Variants in MDN1 observed in about 807,000 individuals in gnomAD.
MDN1 encodes the protein midasin AAA ATPase 1.
A neutral mutation model predicts 669.2 loss-of-function variants in MDN1; 266 were observed. That is an observed-to-expected ratio of 0.40 (90% CI 0.36 to 0.44). The LOEUF (loss-of-function observed/expected upper bound fraction) is 0.44, where lower values mean the gene tolerates loss of function less well. MDN1 is among the 20% of genes least tolerant of loss of function. MDN1 has a pLI of 1.00. For synonymous variants in MDN1, 2,385 were observed against 2,457.1 expected (o/e 0.97, Z 0.87); for missense variants, 5,940 against 6,754.0 (o/e 0.88, Z 4.22).
intron 31 of MDN1, among the ~76,000 whole-genome samples, chr6:89,741,929 C>T (rs1018207370): frequency 9.9e-5 from 15 of 151,946 alleles, no homozygotes; most frequent in Admixed American, 1.3e-4. Context: ...GGTGAAACCC[C>T]ATCTTTACTA....
intron 11 of MDN1, among the ~76,000 whole-genome samples, chr6:89,778,934 A>AT (rs111344373): frequency 0.5 from 63,567 of 126,994 alleles, 16,052 homozygotes; most frequent in African/African-American, 0.54. Flanking sequence ...AAATAAATAA[A>AT]AAAAAAGGTA....
chr6:89,719,272 A>C, intron 40 of MDN1, 47 bp from the exon 41 acceptor site: 1 of 1,486,360 alleles, frequency 6.7e-7, no homozygotes, highest in Non-Finnish European at 9.4e-7. Flanking sequence ...ACTCCACCTA[A>C]TTCTTAGGCA....
At chr6:89,750,620 T>C in intron 23 of MDN1, 88 bp from the exon 24 acceptor site, 21 of 1,311,122 alleles carry the variant, frequency 1.6e-5, no homozygotes, top group Non-Finnish European at 2.0e-5. Flanking sequence ...TTGTTTTGTT[T>C]GACAAAGGGT....
At position 89,751,536 on chromosome 6, in the gene MDN1, T is replaced by C. The variant is rs1395205643; in HGVS notation, c.3122A>G (p.Tyr1041Cys). Residue 1041 changes from tyrosine to cysteine, a missense_variant, in exon 23 of 102, where the codon TAC (tyrosine) becomes TGC (cysteine). By Grantham distance (194) the Tyr-to-Cys change is radical (BLOSUM62 -2). Around this residue, in one of 5 missense-constraint regions of MDN1, gnomAD observed 1,203 missense variants for 1,268.9 expected, o/e 0.95. Coordinates refer to ENST00000369393, the MANE Select transcript of MDN1 (RefSeq NM_014611.3). ...CTCCTTGTCTCCCACCGCAATCCAG[T>C]AGCCTTCAACCTGGATAAGCCGACC... is the stretch of plus-strand genomic sequence containing the variant. The part of the protein sequence containing the change: ...KGGRLIQVEG[Y>C]WIAVGDKEPT... The C allele has an allele frequency of 3.7e-6, 6 of 1,614,108 alleles. No individual in the cohort carries two copies. The highest frequency in any genetic ancestry group is 1.7e-5 in the Admixed American group (1 of 60,012).
chr6:89,812,327 A>G (rs1000033215), intron 1 of MDN1, among the ~76,000 whole-genome samples: 19 of 152,002 alleles, frequency 1.2e-4, no homozygotes, highest in Non-Finnish European at 2.1e-4. Context: ...ACTCACACCT[A>G]TAATCCCAGC....
At chr6:89,713,061 TG>T in intron 47 of MDN1, 86 bp downstream of exon 47, 1 of 1,443,358 alleles carries the variant, frequency 6.9e-7, no homozygotes, top group Admixed American at 2.2e-5. Context: ...CTTAGGTCAC[TG>T]GGTTGCCACC....
At chr6:89,788,704 T>A (rs915794037) in intron 7 of MDN1, among the ~76,000 whole-genome samples, 25 of 152,258 alleles carry the variant, frequency 1.6e-4, no homozygotes, top group Admixed American at 1.6e-3. Flanking sequence ...ATCAACTGTG[T>A]AGCAATTTGG....
Position 89,690,212 on chromosome 6 carries a change from G to A in MDN1, c.10750-69C>T, listed in dbSNP as rs1378086399. 33 of 1,489,916 alleles carry A rather than the reference G, an allele frequency of 2.2e-5. No individual in the cohort carries two copies. In the Admixed American group the frequency reaches 2.9e-4, roughly 13 times the overall value. The allele number at this position is 1,489,916 out of a possible 1,614,324, so 92.3% of individuals were successfully genotyped here. A position where few individuals can be genotyped will look rare whatever the true frequency, so the allele number is the denominator to read the frequency against. On this transcript the variant is annotated intron_variant, in intron 64 of 101. Coordinates refer to ENST00000369393, the MANE Select transcript of MDN1 (RefSeq NM_014611.3). Reference sequence around the variant, plus strand: ...CTACTTCTAATCAGACTAAAAGGAAGAAAGAAAAAAGCATAAGAATGACTG... The same window carrying A: ...CTACTTCTAATCAGACTAAAAGGAAAAAAGAAAAAAGCATAAGAATGACTG...
intron 60 of MDN1, 71 bp downstream of exon 60, chr6:89,696,289 A>T: frequency 6.7e-7 from 1 of 1,489,114 alleles, no homozygotes; most frequent in Non-Finnish European, 9.3e-7. Context: ...GGAAGTTCTC[A>T]CTGGGTCTCT....
chr6:89,761,253 C>T (rs1208608087), intron 17 of MDN1, among the ~76,000 whole-genome samples: 2 of 152,014 alleles, frequency 1.3e-5, no homozygotes, highest in Non-Finnish European at 2.9e-5. Flanking sequence ...CATAGCATGG[C>T]GACCATGCCA....
In MDN1 at chr6:89,689,784, T is replaced by C. The variant is rs147034035; in HGVS notation, c.11023+86A>G. 1.4e-4 allele frequency: 199 copies of C among 1,431,776 alleles called. 2 individuals carry two copies. The African/African-American group carries it at 2.5e-3, about 18-fold the overall frequency. 88.7% of individuals were successfully genotyped at this position (1,431,776 alleles called of 1,614,324 possible). ...GAATTATGCGAAAACAGGAAATTCA[T>C]GAGTGTGATTGTTACAGAGTAGCAA... is the stretch of plus-strand genomic sequence containing the variant. On this transcript the variant is annotated intron_variant, in intron 65 of 101. Coordinates refer to ENST00000369393, the MANE Select transcript of MDN1 (RefSeq NM_014611.3).
At chr6:89,679,315 A>G (rs1235769913) in intron 74 of MDN1, among the ~76,000 whole-genome samples, 1 of 152,166 alleles carries the variant, frequency 6.6e-6, no homozygotes, top group African/African-American at 2.4e-5. Flanking sequence ...ACACTGGCCT[A>G]CCTTACTCCA....
intron 37 of MDN1, among the ~76,000 whole-genome samples, chr6:89,727,079 CA>C (rs575145043): frequency 6.6e-6 from 1 of 150,902 alleles, no homozygotes; most frequent in African/African-American, 2.4e-5. Context: ...ACATCTTGTT[CA>C]AAAAAAAATC....
At chr6:89,683,941 A>G in intron 71 of MDN1, 37 bp from the exon 72 acceptor site, 1 of 1,454,184 alleles carries the variant, frequency 6.9e-7, no homozygotes, top group South Asian at 1.1e-5. Context: ...TGGCTTTATA[A>G]AGCTAGTGTC....
intron 40 of MDN1, among the ~76,000 whole-genome samples, chr6:89,720,774 T>C (rs371645267): frequency 2.0e-5 from 3 of 152,180 alleles, no homozygotes; most frequent in African/African-American, 7.2e-5. Context: ...AATCAAATGA[T>C]TGAAAGTCAC....
chr6:89,693,192 A>T, intron 62 of MDN1, 44 bp from the exon 63 acceptor site: 1 of 1,398,858 alleles, frequency 7.1e-7, no homozygotes, highest in Non-Finnish European at 9.7e-7. Flanking sequence ...TCAGAAGAAG[A>T]GCAGCAAATC....
rs748702794 is a variant in MDN1 at position 89,803,565 on chromosome 6, C to T, written c.103-11G>A. On this transcript the variant is annotated splice_polypyrimidine_tract_variant and intron_variant, in intron 1 of 101. Coordinates refer to ENST00000369393, the MANE Select transcript of MDN1 (RefSeq NM_014611.3). The stretch of plus-strand genomic sequence containing the variant: ...TTGAGGTGTCCACACCTGAGAAAGG[C>T]AAAACAAAACATCTTTCACTTTTTT... 3 of 1,546,000 alleles carry T rather than the reference C, an allele frequency of 1.9e-6. No homozygotes were observed. Among genetic ancestry groups the T allele is most frequent in the Middle Eastern group, 2.1e-4 (1 of 4,766 alleles).
chr6:89,781,035 G>A (rs747110781), intron 10 of MDN1, among the ~76,000 whole-genome samples: 2 of 151,902 alleles, frequency 1.3e-5, no homozygotes, highest in African/African-American at 2.4e-5. Flanking sequence ...CATAGATAGC[G>A]AAATCCAAGA....
At position 89,685,841 on chromosome 6, in the gene MDN1, T is replaced by C; in HGVS notation, c.11705A>G (p.Gln3902Arg). 6.2e-7 allele frequency: 1 copy of C among 1,613,700 alleles called. No individual in the cohort carries two copies. Among genetic ancestry groups the C allele is most frequent in the Non-Finnish European group, 8.5e-7 (1 of 1,179,956 alleles). ...AAAATCCTCACCCTTTCCTTCAACC[T>C]GTGGCATCAGCAAGACATGACAATG... ...VFHCHVLLMP[Q>R]VEGKDSLCSV... Residue 3902 changes from glutamine to arginine, a missense_variant, in exon 70 of 102, where the codon CAG (glutamine) becomes CGG (arginine). By Grantham distance (43) the Gln-to-Arg change is conservative (BLOSUM62 1). Coordinates refer to ENST00000369393, the MANE Select transcript of MDN1 (RefSeq NM_014611.3).
Sources: gnomAD v4.1 joint callset for allele counts (sites outside exome capture counted in the v4.1 genomes callset) on GRCh38, gnomAD v4.1.1 for gene constraint, gnomAD v4.1.1 regional missense constraint, MANE v1.5 for transcripts, NCBI Gene and HGNC (gene_info 2026-07-23, HGNC 2026-07-21) for gene names.